The following CSGALNACT1 variants were observed in gnomAD, a reference collection of about 807,000 sequenced individuals.
The protein encoded by CSGALNACT1 is chondroitin sulfate N-acetylgalactosaminyltransferase 1.
In CSGALNACT1, 52 loss-of-function variants were observed where a neutral mutation model predicts 51.0. The ratio of observed to expected loss-of-function variants is 1.02; its 90% CI spans 0.82 to 1.29. The LOEUF (loss-of-function observed/expected upper bound fraction) is 1.29. Ranked by LOEUF, CSGALNACT1 falls within the 50% of genes most tolerant of loss-of-function variation. The pLI is 0.00. For missense variants in CSGALNACT1, 935 were observed against 679.2 expected (o/e 1.38, Z -4.19); for synonymous variants, 341 against 254.4 (o/e 1.34, Z -3.24).
At chr8:19,474,658 C>T (rs1015522623) in intron 4 of CSGALNACT1, among the ~76,000 whole-genome samples, 1 of 151,726 alleles carries the variant, frequency 6.6e-6, no homozygotes, top group Non-Finnish European at 1.5e-5. Flanking sequence ...CAATTGAGGT[C>T]GGGAGTTCGA....
At chr8:19,564,952 C>T (rs561484314) in intron 3 of CSGALNACT1, among the ~76,000 whole-genome samples, 1 of 152,276 alleles carries the variant, frequency 6.6e-6, no homozygotes, top group African/African-American at 2.4e-5. Flanking sequence ...AGTGAGTGAA[C>T]ATATCTAGGT....
intron 6 of CSGALNACT1, among the ~76,000 whole-genome samples, chr8:19,437,088 T>G (rs1011643023): frequency 6.6e-6 from 1 of 152,058 alleles, no homozygotes; most frequent in African/African-American, 2.4e-5. Context: ...GTTGCAGACT[T>G]AGGACAACAG....
At chr8:19,565,016 C>T (rs959529456) in intron 3 of CSGALNACT1, among the ~76,000 whole-genome samples, 1 of 152,184 alleles carries the variant, frequency 6.6e-6, no homozygotes, top group African/African-American at 2.4e-5. Context: ...AAAAGGACCT[C>T]AATGAATCCA....
At chr8:19,736,928 T>TAA (rs56660422) in intron 1 of CSGALNACT1, among the ~76,000 whole-genome samples, 1 of 103,410 alleles carries the variant, frequency 9.7e-6, no homozygotes, top group Non-Finnish European at 2.0e-5. Context: ...CTGAACAGGA[T>TAA]AAAAAAAAAA....
At chr8:19,643,093 AAATTG>A (rs2056906347) in intron 1 of CSGALNACT1, among the ~76,000 whole-genome samples, 1 of 152,122 alleles carries the variant, frequency 6.6e-6, no homozygotes, top group Admixed American at 6.6e-5. Flanking sequence ...TAAAATTAAT[AAATTG>A]AATTAGTAAA....
intron 4 of CSGALNACT1, among the ~76,000 whole-genome samples, chr8:19,487,369 A>G (rs11204047): frequency 0.8 from 121,050 of 152,102 alleles, 48,306 homozygotes; most frequent in East Asian, 0.86. Flanking sequence ...AGTCAAACCA[A>G]CCCCAGATTC....
intron 1 of CSGALNACT1, among the ~76,000 whole-genome samples, chr8:19,679,608 T>C (rs1239433711): frequency 6.6e-6 from 1 of 152,150 alleles, no homozygotes; most frequent in Admixed American, 6.5e-5. Flanking sequence ...GCTAGGATAC[T>C]CGCTATTCTT....
intron 1 of CSGALNACT1, among the ~76,000 whole-genome samples, chr8:19,630,254 G>C (rs2055062169): frequency 6.8e-6 from 1 of 148,124 alleles, no homozygotes. Flanking sequence ...ATGTGTGTGT[G>C]TTCTAGTAAA....
chr8:19,710,512 G>A (rs1464528363), intron 1 of CSGALNACT1, among the ~76,000 whole-genome samples: 1 of 152,170 alleles, frequency 6.6e-6, no homozygotes, highest in Non-Finnish European at 1.5e-5. Context: ...GAGTACATTG[G>A]TCAGAAATAT....
intron 3 of CSGALNACT1, among the ~76,000 whole-genome samples, chr8:19,552,034 T>G (rs1475683592): frequency 1.3e-5 from 2 of 152,184 alleles, no homozygotes; most frequent in Non-Finnish European, 2.9e-5. Flanking sequence ...ATTACATCAA[T>G]TTTTTAGTCT....
At chr8:19,420,630 T>G (rs1309453665) in intron 6 of CSGALNACT1, 112 bp from the exon 6 acceptor site, 19 of 1,130,588 alleles carry the variant, frequency 1.7e-5, no homozygotes, top group Non-Finnish European at 2.6e-5. Flanking sequence ...TTTTGTAACC[T>G]GAGGGCACTG....
intron 1 of CSGALNACT1, among the ~76,000 whole-genome samples, chr8:19,639,012 A>C (rs2056432465): frequency 1.3e-5 from 2 of 152,080 alleles, no homozygotes; most frequent in Admixed American, 6.6e-5. Context: ...GCTCACCAAT[A>C]AAGAGGTATA....
chr8:19,440,698 G>C (rs908801730), intron 5 of CSGALNACT1, among the ~76,000 whole-genome samples: 6 of 151,934 alleles, frequency 3.9e-5, no homozygotes, highest in South Asian at 4.2e-4. Flanking sequence ...ATTCAACATA[G>C]TGTTGGAAGT....
intron 4 of CSGALNACT1, among the ~76,000 whole-genome samples, chr8:19,477,051 T>C (rs2069878974): frequency 6.6e-6 from 1 of 152,234 alleles, no homozygotes. Context: ...TGATTTGTAA[T>C]GCAGCAATAA....
intron 1 of CSGALNACT1, among the ~76,000 whole-genome samples, chr8:19,717,989 C>T (rs989991370): frequency 7.2e-5 from 11 of 152,184 alleles, no homozygotes; most frequent in Admixed American, 5.9e-4. Context: ...ATCCACCATC[C>T]GCCATCAAGC....
chr8:19,530,383 G>A (rs989027479), intron 3 of CSGALNACT1, among the ~76,000 whole-genome samples: 1 of 151,932 alleles, frequency 6.6e-6, no homozygotes, highest in African/African-American at 2.4e-5. Context: ...GTGTATATAT[G>A]TAAGTGTATA....
intron 5 of CSGALNACT1, among the ~76,000 whole-genome samples, chr8:19,444,722 T>C (rs920842103): frequency 2.6e-5 from 4 of 152,160 alleles, no homozygotes; most frequent in Non-Finnish European, 4.4e-5. Flanking sequence ...TCCACAGCAA[T>C]AGAAGACACG....
chr8:19,565,837 G>A (rs2041803963), intron 3 of CSGALNACT1, among the ~76,000 whole-genome samples: 1 of 152,204 alleles, frequency 6.6e-6, no homozygotes. Context: ...CTTGAACCCA[G>A]GAGGCAGAGG....
At chr8:19,667,040 GAAGAAAGA>G (rs1177939899) in intron 1 of CSGALNACT1, among the ~76,000 whole-genome samples, 484 of 34,488 alleles carry the variant, frequency 0.014, 5 homozygotes, top group Admixed American at 0.017. Context: ...AGGAAGGAAG[GAAGAAAGA>G]AAGAAAGAAA....
Sources: allele counts gnomAD v4.1 joint callset (sites outside exome capture counted in the v4.1 genomes callset), GRCh38; gene constraint gnomAD v4.1.1; transcripts MANE v1.5; gene names NCBI Gene and HGNC (gene_info 2026-07-23, HGNC 2026-07-21).